The following ADAP1 variants were observed in gnomAD, a reference collection of about 807,000 sequenced individuals.
ADAP1 encodes ArfGAP with dual PH domains 1.
In ADAP1, 31 loss-of-function variants were observed where a neutral mutation model predicts 54.9. The observed-to-expected ratio is 0.56, with a 90% CI of 0.42 to 0.76. ADAP1 has a LOEUF of 0.76. ADAP1 is among the 30% of genes least tolerant of loss of function. ADAP1 has a pLI of 0.00. For missense variants in ADAP1, 535 were observed against 512.4 expected, an observed-to-expected ratio of 1.04 and a Z score of -0.42; for synonymous variants, 313 against 202.6, an observed-to-expected ratio of 1.55 and a Z score of -4.63.
At position 920,098 on chromosome 7, in the gene ADAP1, C is replaced by A; in HGVS notation, c.306-48G>T. ...GCCACTGGGCCAAGGCGGCCTCCGA[C>A]CCAGCACACGCCGCTCTCTGGCCCG... On this transcript the variant is annotated intron_variant, in intron 3 of 10. Transcript: ENST00000265846. This position sits in a 1 kb window ranked among gnomAD's most constrained non-coding sequence, Gnocchi z 4.5. 1 of 1,556,520 alleles carries A rather than the reference C, an allele frequency of 6.4e-7. No individual in the cohort carries two copies. Among genetic ancestry groups the A allele is most frequent in the African/African-American group, 1.4e-5 (1 of 73,910 alleles).
Position 945,850 on chromosome 7 carries a change from C to G in ADAP1, c.82+8546G>C. On this transcript the variant is annotated intron_variant, in intron 1 of 10. Coordinates refer to ENST00000265846, the MANE Select transcript of ADAP1 (RefSeq NM_006869.4). This position sits in a 1 kb window ranked among gnomAD's most constrained non-coding sequence, Gnocchi z 4.2. ...TGGGCAGGTGAGCCACATTCTTGGG[C>G]GGAGCCAGGTGGGGCAGGCGTGTCC... The G allele has an allele frequency of 1.0e-6, 1 of 985,410 alleles. No homozygotes were observed. Among genetic ancestry groups the G allele is most frequent in the Non-Finnish European group, 1.2e-6 (1 of 829,848 alleles). 61.0% of individuals were successfully genotyped at this position (985,410 alleles called of 1,614,324 possible).
At chr7:904,574 G>C (rs1454597209) in intron 5 of ADAP1, among the ~76,000 whole-genome samples, 1 of 152,178 alleles carries the variant, frequency 6.6e-6, no homozygotes. Flanking sequence ...CACAGGGGCA[G>C]GCCCCAGCCA....
chr7:948,723 A>G (rs992853119), intron 1 of ADAP1, among the ~76,000 whole-genome samples: 6 of 151,888 alleles, frequency 4.0e-5, no homozygotes, highest in Non-Finnish European at 8.8e-5. Flanking sequence ...TTGAGACAGA[A>G]TATCACTCTG....
At chr7:930,718 C>CTGAAGCAG (rs1846545908) in intron 2 of ADAP1, among the ~76,000 whole-genome samples, 1 of 151,698 alleles carries the variant, frequency 6.6e-6, no homozygotes, top group Non-Finnish European at 1.5e-5. Flanking sequence ...ACTCGGGAGG[C>CTGAAGCAG]TGAAGCAGGA....
At chr7:907,257 C>T (rs1458114926) in intron 4 of ADAP1, among the ~76,000 whole-genome samples, 1 of 152,176 alleles carries the variant, frequency 6.6e-6, no homozygotes. Context: ...TGGCAAAACA[C>T]ACCGTGCACG....
At chr7:930,402 G>A (rs1483181729) in intron 2 of ADAP1, among the ~76,000 whole-genome samples, 1 of 27,534 alleles carries the variant, frequency 3.6e-5, no homozygotes, top group Non-Finnish European at 5.9e-5. Context: ...ACAGGGCCGG[G>A]CGCGGTGGCT....
intron 4 of ADAP1, among the ~76,000 whole-genome samples, chr7:909,543 C>T (rs975303914): frequency 9.2e-5 from 14 of 152,230 alleles, no homozygotes; most frequent in African/African-American, 3.4e-4. Flanking sequence ...CCAGTCCAGA[C>T]CTCAGGCTGA....
chr7:914,152 G>C (rs988982700), intron 4 of ADAP1, among the ~76,000 whole-genome samples: 3 of 152,178 alleles, frequency 2.0e-5, no homozygotes, highest in African/African-American at 7.2e-5. Flanking sequence ...ACAGCCTCTA[G>C]GAGTTCTTGG....
At position 899,344 on chromosome 7, in the gene ADAP1, G is replaced by A. The variant is rs573651108; in HGVS notation, c.867+75C>T. The A allele has an allele frequency of 3.4e-5, 55 of 1,604,242 alleles. No homozygotes were observed. In the East Asian group the frequency reaches 7.8e-4, roughly 23 times the overall value. ...CAGGCCAGGACTCGGGAGGCCACCCGCCCTCCTGGTCACGCATCTGGCAAC... is the reference window on the plus strand; with the variant it reads ...CAGGCCAGGACTCGGGAGGCCACCCACCCTCCTGGTCACGCATCTGGCAAC... On this transcript the variant is annotated intron_variant, in intron 9 of 10. Transcript: ENST00000265846.
chr7:935,676 C>CCA (rs1846736807), intron 1 of ADAP1, among the ~76,000 whole-genome samples, 171 bp from the exon 2 acceptor site: 1 of 150,374 alleles, frequency 6.7e-6, no homozygotes, highest in African/African-American at 2.5e-5. Context: ...CCAGCTCCCC[C>CCA]CCCGCCCTCT....
chr7:942,019 C>T (rs1410348381), intron 1 of ADAP1, among the ~76,000 whole-genome samples: 2 of 152,286 alleles, frequency 1.3e-5, no homozygotes, highest in East Asian at 3.9e-4. Flanking sequence ...TAATTATCGG[C>T]AAAGATATAA....
At chr7:928,150 T>A (rs911310375) in intron 2 of ADAP1, among the ~76,000 whole-genome samples, 1 of 150,230 alleles carries the variant, frequency 6.7e-6, no homozygotes, top group African/African-American at 2.5e-5. Flanking sequence ...AACCTGGGAG[T>A]TTGAGGTCGC....
Position 898,369 on chromosome 7 carries a change from A to C in ADAP1, c.*552T>G. 5.7e-6 allele frequency: 1 copy of C among 174,694 alleles called. No homozygotes were observed. Among genetic ancestry groups the C allele is most frequent in the Non-Finnish European group, 1.2e-5 (1 of 80,866 alleles). The allele number at this position is 174,694 out of a possible 1,614,324, so 10.8% of individuals were successfully genotyped here. On this transcript the variant is annotated 3_prime_UTR_variant, in exon 11 of 11. Coordinates refer to ENST00000265846, the MANE Select transcript of ADAP1 (RefSeq NM_006869.4). ...CAGGAGCACAGGCTGTGGCAACTCC[A>C]GCCCGGGCAGGGGCCGGGACCTGTG...
chr7:902,748 G>C (rs898966331), intron 6 of ADAP1, among the ~76,000 whole-genome samples: 1 of 149,638 alleles, frequency 6.7e-6, no homozygotes, highest in Non-Finnish European at 1.5e-5. Context: ...GGCCACCCTG[G>C]GCCTGTACCC....
In ADAP1 at chr7:899,206, AC is replaced by A. The variant is rs1844655769; in HGVS notation, c.922del (p.Val308CysfsTer96). 1.2e-6 allele frequency: 2 copies of A among 1,612,540 alleles called. No homozygotes were observed. The highest frequency in any genetic ancestry group is 1.7e-6 in the Non-Finnish European group (2 of 1,179,968). ...FIGSKESGYT[V>X]LHGFPPSTQG... ...GGTGGACGGCGGGAACCCATGCAGCACCGTGTAGCCACTCTCCTTGCTGCCA... is the reference window on the plus strand; with the variant it reads ...GGTGGACGGCGGGAACCCATGCAGCACGTGTAGCCACTCTCCTTGCTGCCA... On this transcript the variant is annotated frameshift_variant, in exon 10 of 11. Coordinates refer to ENST00000265846, the MANE Select transcript of ADAP1 (RefSeq NM_006869.4). LOFTEE classifies it high-confidence loss of function.
chr7:945,738 C>G lies in ADAP1; in HGVS notation c.82+8658G>C, dbSNP rs1452989691. On this transcript the variant is annotated intron_variant, in intron 1 of 10. Coordinates refer to ENST00000265846, the MANE Select transcript of ADAP1 (RefSeq NM_006869.4). This position sits in a 1 kb window ranked among gnomAD's most constrained non-coding sequence, Gnocchi z 4.2. Reference sequence around the variant, plus strand: ...CAGCCGCCAGCCTCTTTCCCTCCCTCCTCCCAGCCCCGCTCTGCCCTACCT... The same window carrying G: ...CAGCCGCCAGCCTCTTTCCCTCCCTGCTCCCAGCCCCGCTCTGCCCTACCT... 4.1e-6 allele frequency: 4 copies of G among 985,894 alleles called. No individual in the cohort carries two copies. The highest frequency in any genetic ancestry group is 4.8e-6 in the Non-Finnish European group (4 of 830,228). 61.1% of individuals were successfully genotyped at this position (985,894 alleles called of 1,614,324 possible). A position where few individuals can be genotyped will look rare whatever the true frequency, so the allele number is the denominator to read the frequency against.
At position 920,914 on chromosome 7, in the gene ADAP1, T is replaced by A; in HGVS notation, c.306-864A>T. On this transcript the variant is annotated intron_variant, in intron 3 of 10. Transcript: ENST00000265846. This position sits in a 1 kb window ranked among gnomAD's most constrained non-coding sequence, Gnocchi z 4.5. ...CGCGGCAAAGAACAAATAGGAACCC[T>A]GTGGCTTCCTGCTGGGCCCACGTGA... 5 of 1,523,178 alleles carry A rather than the reference T, an allele frequency of 3.3e-6. No homozygotes were observed. Among genetic ancestry groups the A allele is most frequent in the Non-Finnish European group, 4.4e-6 (5 of 1,124,254 alleles). 94.4% of individuals were successfully genotyped at this position (1,523,178 alleles called of 1,614,324 possible).
Position 935,397 on chromosome 7 carries a change from G to A in ADAP1, c.191C>T (p.Ala64Val). Residue 64 changes from alanine to valine, a missense_variant, in exon 2 of 11, where the codon GCC (alanine) becomes GTC (valine). Transcript: ENST00000265846. ...VSKVKSVRLD[A>V]WEEAQVEFMA... ...TACCTCCACTTGGGCCTCCTCCCAG[G>A]CGTCCAGGCGGACGGACTTCACCTT... is the stretch of plus-strand genomic sequence containing the variant. 1.9e-6 allele frequency: 3 copies of A among 1,560,666 alleles called. No homozygotes were observed. The highest frequency in any genetic ancestry group is 1.7e-6 in the Non-Finnish European group (2 of 1,152,118).
chr7:913,452 C>T (rs1347181138), intron 4 of ADAP1, among the ~76,000 whole-genome samples: 3 of 152,090 alleles, frequency 2.0e-5, no homozygotes, highest in Non-Finnish European at 4.4e-5. Flanking sequence ...CCGCCTGCCT[C>T]AGCCTCCCAA....
Sources: allele counts gnomAD v4.1 joint callset (sites outside exome capture counted in the v4.1 genomes callset), GRCh38; gene constraint gnomAD v4.1.1; non-coding constraint Gnocchi (gnomAD v3.1); transcripts MANE v1.5; gene names NCBI Gene and HGNC (gene_info 2026-07-23, HGNC 2026-07-21).